DNAAF10: variants seen among roughly 807,000 people sequenced by gnomAD.
DNAAF10 encodes WD repeat domain 92.
DNAAF10 carries 28 observed loss-of-function variants against 43.7 expected under a neutral mutation model. That is an observed-to-expected ratio of 0.64 (90% CI 0.48 to 0.88). DNAAF10 has a LOEUF of 0.88. DNAAF10 is among the 40% of genes least tolerant of loss of function. The probability of loss-of-function intolerance (pLI) is 0.00; values close to 1 mark genes in which losing one functional copy is unlikely to be tolerated. For synonymous variants in DNAAF10, 156 were observed against 157.3 expected, an observed-to-expected ratio of 0.99 and a Z score of 0.06; for missense variants, 403 against 439.1, an observed-to-expected ratio of 0.92 and a Z score of 0.73.
chr2:68,154,274 T>C (rs904723266), intron 1 of DNAAF10, among the ~76,000 whole-genome samples: 1 of 151,584 alleles, frequency 6.6e-6, no homozygotes, highest in African/African-American at 2.4e-5. Context: ...TGAGACGGAG[T>C]CTTGCTCTGT....
chr2:68,136,065 C>G (rs1436856370), intron 6 of DNAAF10, among the ~76,000 whole-genome samples: 1 of 148,878 alleles, frequency 6.7e-6, no homozygotes, highest in Admixed American at 6.7e-5. Context: ...AAAAAAAAAT[C>G]TAATTAGCCA....
In DNAAF10 at chr2:68,157,345, A is replaced by G; in HGVS notation, c.99T>C (p.Phe33=). The G allele has an allele frequency of 6.2e-7, 1 of 1,614,158 alleles. No homozygotes were observed. Among genetic ancestry groups the G allele is most frequent in the East Asian group, 2.2e-5 (1 of 44,876 alleles). ...DCKWVPCSAK[F]VTMGNFARGT... is the part of the protein sequence containing the mutation. Reference sequence around the variant, plus strand: ...CCCGTGCGAAGTTGCCCATGGTCACAAATTTGGCGCTGCAGGGCACCCACT... The same window carrying G: ...CCCGTGCGAAGTTGCCCATGGTCACGAATTTGGCGCTGCAGGGCACCCACT... Residue 33 remains phenylalanine (F), a synonymous_variant, in exon 1 of 8, where the codon TTT becomes TTC. Transcript: ENST00000295121.
chr2:68,146,225 A>G (rs1673313983), intron 2 of DNAAF10, among the ~76,000 whole-genome samples: 1 of 152,076 alleles, frequency 6.6e-6, no homozygotes, highest in African/African-American at 2.4e-5. Context: ...TCGCATCACT[A>G]CACTCCAGCC....
intron 1 of DNAAF10, among the ~76,000 whole-genome samples, chr2:68,156,196 T>C (rs745592991): frequency 2.0e-5 from 3 of 151,444 alleles, no homozygotes; most frequent in Non-Finnish European, 4.4e-5. Context: ...AAATAAGCCA[T>C]GTTTCATGTT....
intron 7 of DNAAF10, among the ~76,000 whole-genome samples, chr2:68,133,760 A>T (rs1164948555): frequency 1.3e-5 from 2 of 152,104 alleles, no homozygotes. Flanking sequence ...AGAAAATATA[A>T]GATAAAGCAT....
At chr2:68,139,521 T>C (rs1010527659) in intron 4 of DNAAF10, among the ~76,000 whole-genome samples, 6 of 151,520 alleles carry the variant, frequency 4.0e-5, no homozygotes, top group Non-Finnish European at 8.8e-5. Context: ...AATTCCATAC[T>C]GAAAGGATAT....
intron 1 of DNAAF10, among the ~76,000 whole-genome samples, chr2:68,154,767 A>G (rs1673549551): frequency 1.3e-5 from 2 of 152,016 alleles, no homozygotes; most frequent in Non-Finnish European, 2.9e-5. Context: ...TACAAATCAT[A>G]TATTTTCATT....
At chr2:68,143,309 G>A (rs1275109779) in intron 3 of DNAAF10, among the ~76,000 whole-genome samples, 1 of 152,012 alleles carries the variant, frequency 6.6e-6, no homozygotes, top group Non-Finnish European at 1.5e-5. Context: ...TCAGCCTCCT[G>A]AGTAGCTGTG....
chr2:68,134,001 T>A (rs1457158743), intron 7 of DNAAF10: 1 of 427,652 alleles, frequency 2.3e-6, no homozygotes, highest in Non-Finnish European at 3.1e-6. Context: ...GTTTTTTCCC[T>A]GAGTGATGTT....
chr2:68,140,314 C>T (rs1163686487), intron 4 of DNAAF10, among the ~76,000 whole-genome samples: 3 of 152,146 alleles, frequency 2.0e-5, no homozygotes, highest in Admixed American at 6.5e-5. Context: ...TCATCTTAAA[C>T]TCATGATGTC....
At chr2:68,141,671 G>A (rs1258074718) in intron 4 of DNAAF10, 23 bp downstream of exon 4, 2 of 1,602,504 alleles carry the variant, frequency 1.2e-6, no homozygotes, top group Admixed American at 1.7e-5. Flanking sequence ...TAATTCAAAT[G>A]CAAGAATTCT....
chr2:68,134,089 A>T (rs929466245), intron 7 of DNAAF10: 57 of 975,568 alleles, frequency 5.8e-5, no homozygotes, highest in Non-Finnish European at 6.6e-5. Flanking sequence ...TTAACTCACA[A>T]TTTTTATCAG....
chr2:68,140,075 G>GA (rs1372161033), intron 4 of DNAAF10, among the ~76,000 whole-genome samples: 1 of 152,160 alleles, frequency 6.6e-6, no homozygotes, highest in African/African-American at 2.4e-5. Context: ...GATCATACCT[G>GA]AAGTAAGTTT....
intron 6 of DNAAF10, among the ~76,000 whole-genome samples, chr2:68,135,854 CCT>C (rs1673030138): frequency 6.6e-6 from 1 of 152,102 alleles, no homozygotes; most frequent in South Asian, 2.1e-4. Flanking sequence ...GGGGAAATGA[CCT>C]CTTAAAATAC....
At chr2:68,135,170 T>C (rs573538004) in intron 6 of DNAAF10, among the ~76,000 whole-genome samples, 1 of 152,194 alleles carries the variant, frequency 6.6e-6, no homozygotes, top group Non-Finnish European at 1.5e-5. Context: ...CTTTTGTTTA[T>C]ATATACGAAA....
chr2:68,154,697 C>T (rs1013076596), intron 1 of DNAAF10, among the ~76,000 whole-genome samples: 2 of 152,174 alleles, frequency 1.3e-5, no homozygotes, highest in South Asian at 2.1e-4. Context: ...TCCCCAGAGT[C>T]GCTACAAAAG....
At chr2:68,132,693 A>G (rs781174141) in intron 7 of DNAAF10, among the ~76,000 whole-genome samples, 4 of 152,248 alleles carry the variant, frequency 2.6e-5, no homozygotes, top group Non-Finnish European at 5.9e-5. Flanking sequence ...CTACCAAGAC[A>G]GACTGGCAAA....
At position 68,130,948 on chromosome 2, in the gene DNAAF10, C is replaced by T; in HGVS notation, c.*290G>A. The T allele has an allele frequency of 5.8e-6, 1 of 172,048 alleles. No homozygotes were observed. The highest frequency in any genetic ancestry group is 1.1e-5 in the Non-Finnish European group (1 of 89,848). The allele number at this position is 172,048 out of a possible 1,614,324, so 10.7% of individuals were successfully genotyped here. On this transcript the variant is annotated 3_prime_UTR_variant, in exon 8 of 8. Coordinates refer to ENST00000295121, the MANE Select transcript of DNAAF10 (RefSeq NM_138458.4). ...TTTTTTTTTTTTTGAGACAGTCTTG[C>T]TCAGTTGCCCAGGCTGGAGTGCAGT...
chr2:68,154,685 A>T (rs1269661476), intron 1 of DNAAF10, among the ~76,000 whole-genome samples: 3 of 152,328 alleles, frequency 2.0e-5, no homozygotes, highest in East Asian at 3.9e-4. Flanking sequence ...ATTTGCTGAA[A>T]TTCCCCAGAG....
Sources: allele counts gnomAD v4.1 joint callset (sites outside exome capture counted in the v4.1 genomes callset), GRCh38; gene constraint gnomAD v4.1.1; transcripts MANE v1.5; gene names NCBI Gene and HGNC (gene_info 2026-07-23, HGNC 2026-07-21).